The following GAL3ST3 variants were observed in gnomAD, a reference collection of about 807,000 sequenced individuals.
GAL3ST3 encodes the protein galactose-3-O-sulfotransferase 3.
A neutral mutation model predicts 20.8 loss-of-function variants in GAL3ST3; 21 were observed. The ratio of observed to expected loss-of-function variants is 1.01; its 90% CI spans 0.72 to 1.45. The LOEUF is 1.45. GAL3ST3 is among the 40% of genes most tolerant of loss of function. The pLI, the probability that GAL3ST3 is intolerant of heterozygous loss-of-function variation, is 0.00. For synonymous variants in GAL3ST3, 355 were observed against 307.2 expected, an observed-to-expected ratio of 1.16 and a Z score of -1.63; for missense variants, 739 against 662.7, an observed-to-expected ratio of 1.12 and a Z score of -1.26.
chr11:66,043,820 T>G, intron 2 of GAL3ST3, 143 bp from the exon 3 acceptor site: 1 of 696,638 alleles, frequency 1.4e-6, no homozygotes, highest in Non-Finnish European at 2.4e-6. Flanking sequence ...CGGTGCTTGG[T>G]AGCCTCTAAG....
At chr11:66,043,766 ACAGCGCGGCCCCGCCTGGGCTGCACT>A in intron 2 of GAL3ST3, 89 bp from the exon 3 acceptor site, 1 of 1,238,152 alleles carries the variant, frequency 8.1e-7, no homozygotes, top group Non-Finnish European at 1.1e-6. Flanking sequence ...GGGATGCCCC[ACAGCGCGGCCCCGCCTGGGCTGCACT>A]CATGGAAAGG....
intron 1 of GAL3ST3, among the ~76,000 whole-genome samples, chr11:66,048,270 C>G (rs774927935): frequency 2.0e-5 from 3 of 152,184 alleles, no homozygotes; most frequent in Non-Finnish European, 4.4e-5. Context: ...ACGCTGCTGC[C>G]CAGTTTTGCA....
intron 1 of GAL3ST3, among the ~76,000 whole-genome samples, chr11:66,046,049 T>C (rs1211419367): frequency 6.6e-6 from 1 of 152,224 alleles, no homozygotes; most frequent in Non-Finnish European, 1.5e-5. Flanking sequence ...CTATGTACTG[T>C]ATTATTACAT....
At chr11:66,043,706 G>T (rs1188992739) in intron 2 of GAL3ST3, 29 bp from the exon 3 acceptor site, 1 of 1,551,736 alleles carries the variant, frequency 6.4e-7, no homozygotes, top group South Asian at 1.2e-5. Context: ...GTGCGGAGAG[G>T]AGGGTGTGAG....
At position 66,041,702 on chromosome 11, in the gene GAL3ST3, A is replaced by C. The variant is rs919226968; in HGVS notation, c.*805T>G. Among the ~76,000 whole-genome samples, 2 of 152,268 alleles carry C rather than the reference A, an allele frequency of 1.3e-5. No homozygotes were observed. The highest frequency in any genetic ancestry group is 2.9e-5 in the Non-Finnish European group (2 of 68,050). Reference sequence around the variant, plus strand: ...TCACCTGTATCCCCAAGTTACAGAGATGATGCTCAGTAAATGTCGCAGAAT... The same window carrying C: ...TCACCTGTATCCCCAAGTTACAGAGCTGATGCTCAGTAAATGTCGCAGAAT... On this transcript the variant is annotated 3_prime_UTR_variant, in exon 3 of 3. Transcript: ENST00000312006.
intron 1 of GAL3ST3, among the ~76,000 whole-genome samples, chr11:66,047,297 A>G (rs1166849715): frequency 1.3e-5 from 2 of 152,208 alleles, no homozygotes; most frequent in Non-Finnish European, 2.9e-5. Context: ...AAGTGTCCCA[A>G]GATGGGAAGA....
At chr11:66,044,257 G>C (rs529589288) in intron 2 of GAL3ST3, among the ~76,000 whole-genome samples, 9 of 152,156 alleles carry the variant, frequency 5.9e-5, no homozygotes, top group Non-Finnish European at 1.2e-4. Context: ...AAAGACCTTG[G>C]TCCAGAAGTT....
At position 66,042,670 on chromosome 11, in the gene GAL3ST3, G is replaced by GTGGCC; in HGVS notation, c.1128_1132dup (p.Thr378ArgfsTer85). ...CATGGCCAGCTTGAGGCAGGCCTCG[G>GTGGCC]TGGCCGGGCCGGCGCCGCCGCCGGG... On this transcript the variant is annotated frameshift_variant, in exon 3 of 3. Transcript: ENST00000312006. LOFTEE classifies it high-confidence loss of function. The GTGGCC allele has an allele frequency of 6.5e-7, 1 of 1,534,594 alleles. No individual in the cohort carries two copies. Among genetic ancestry groups the GTGGCC allele is most frequent in the Middle Eastern group, 1.7e-4 (1 of 5,976 alleles).
chr11:66,047,846 C>T (rs1856797911), intron 1 of GAL3ST3, among the ~76,000 whole-genome samples: 1 of 152,188 alleles, frequency 6.6e-6, no homozygotes, highest in Non-Finnish European at 1.5e-5. Flanking sequence ...GACAGACCTT[C>T]AGGTATTTGG....
chr11:66,045,273 G>C lies in GAL3ST3; in HGVS notation c.125+18C>G. 6.6e-7 allele frequency: 1 copy of C among 1,517,346 alleles called. No homozygotes were observed. The highest frequency in any genetic ancestry group is 8.8e-7 in the Non-Finnish European group (1 of 1,131,172). The allele number at this position is 1,517,346 out of a possible 1,614,324, so 94.0% of individuals were successfully genotyped here. A position where few individuals can be genotyped will look rare whatever the true frequency, so the allele number is the denominator to read the frequency against. On this transcript the variant is annotated intron_variant, in intron 2 of 2. Coordinates refer to ENST00000312006, the MANE Select transcript of GAL3ST3 (RefSeq NM_033036.3). Reference sequence around the variant, plus strand: ...TGGGGAGGGGAGCTCCGGCCCCCCTGGGGCCCCGCCCCCTTACCAGCTGAG... The same window carrying C: ...TGGGGAGGGGAGCTCCGGCCCCCCTCGGGCCCCGCCCCCTTACCAGCTGAG...
Position 66,043,624 on chromosome 11 carries a change from C to CGCG in GAL3ST3, c.176_178dup (p.Pro59dup). 1 of 1,612,006 alleles carries CGCG rather than the reference C, an allele frequency of 6.2e-7. No homozygotes were observed. Among genetic ancestry groups the CGCG allele is most frequent in the East Asian group, 2.2e-5 (1 of 44,812 alleles). Reference sequence around the variant, plus strand: ...GAAGGCCACAGTCATGTGCTTGGGGCGCGGCGGCGAGTTCCGCAGAGGAGG... The same window carrying CGCG: ...GAAGGCCACAGTCATGTGCTTGGGGCGCGGCGGCGGCGAGTTCCGCAGAGGAGG... On this transcript the variant is annotated inframe_insertion, in exon 3 of 3. Coordinates refer to ENST00000312006, the MANE Select transcript of GAL3ST3 (RefSeq NM_033036.3).
In GAL3ST3 at chr11:66,041,149, T is replaced by G. The variant is rs546051493; in HGVS notation, c.*1358A>C. Among the ~76,000 whole-genome samples the G allele has an allele frequency of 7.9e-5, 12 of 152,308 alleles. No individual in the cohort carries two copies. In the East Asian group the frequency reaches 2.3e-3, roughly 29 times the overall value. On this transcript the variant is annotated 3_prime_UTR_variant, in exon 3 of 3. Transcript: ENST00000312006. ...CACACTGCCTTGGTTGAGATCCTAGTGGCCACTTTCTGGCTGTGTGACCCT... is the reference window on the plus strand; with the variant it reads ...CACACTGCCTTGGTTGAGATCCTAGGGGCCACTTTCTGGCTGTGTGACCCT...
At chr11:66,047,699 G>T (rs981375459) in intron 1 of GAL3ST3, among the ~76,000 whole-genome samples, 1 of 152,226 alleles carries the variant, frequency 6.6e-6, no homozygotes, top group Non-Finnish European at 1.5e-5. Context: ...GCAACTTACA[G>T]CTTGTTCAGG....
Position 66,045,327 on chromosome 11 carries a change from A to C in GAL3ST3, c.89T>G (p.Val30Gly). 6.2e-7 allele frequency: 1 copy of C among 1,600,416 alleles called. No individual in the cohort carries two copies. The highest frequency in any genetic ancestry group is 8.5e-7 in the Non-Finnish European group (1 of 1,172,926). ...ILLLVLGCST[V>G]SLLIHQGAQL... Reference sequence around the variant, plus strand: ...CGCCCCCTGGTGGATGAGAAGGCTTACGGTGCTGCACCCTAGCACCAGCAG... The same window carrying C: ...CGCCCCCTGGTGGATGAGAAGGCTTCCGGTGCTGCACCCTAGCACCAGCAG... The change falls in exon 2 of 3, where the codon GTA becomes GGA. Residue 30 changes from valine (V) to glycine (G), a missense_variant. By Grantham distance (109) the Val-to-Gly change is moderately radical. Transcript: ENST00000312006.
At position 66,045,544 on chromosome 11, in the gene GAL3ST3, G is replaced by A; in HGVS notation, c.-112-17C>T. On this transcript the variant is annotated splice_polypyrimidine_tract_variant and intron_variant, in intron 1 of 2. Coordinates refer to ENST00000312006, the MANE Select transcript of GAL3ST3 (RefSeq NM_033036.3). The stretch of plus-strand genomic sequence containing the variant: ...CCGAGAAGCCTGGCAGAAGAAGGCA[G>A]ACGGGTTTGCAGTGGGCAGAGGAGA... The A allele has an allele frequency of 1.8e-6, 2 of 1,102,170 alleles. No homozygotes were observed. The highest frequency in any genetic ancestry group is 2.9e-5 in the East Asian group (1 of 34,056). 68.3% of individuals were successfully genotyped at this position (1,102,170 alleles called of 1,614,324 possible).
chr11:66,045,484 G>C lies in GAL3ST3; in HGVS notation c.-69C>G. ...GGACTCCCTTCACAGGCACTCATGGGGGATCCTGCGGCTCTGGTAGCAGGG... is the reference window on the plus strand; with the variant it reads ...GGACTCCCTTCACAGGCACTCATGGCGGATCCTGCGGCTCTGGTAGCAGGG... On this transcript the variant is annotated 5_prime_UTR_variant, in exon 2 of 3. Coordinates refer to ENST00000312006, the MANE Select transcript of GAL3ST3 (RefSeq NM_033036.3). 1 of 1,444,878 alleles carries C rather than the reference G, an allele frequency of 6.9e-7. No homozygotes were observed. The highest frequency in any genetic ancestry group is 9.2e-7 in the Non-Finnish European group (1 of 1,089,252). The allele number at this position is 1,444,878 out of a possible 1,614,324, so 89.5% of individuals were successfully genotyped here. A position where few individuals can be genotyped will look rare whatever the true frequency, so the allele number is the denominator to read the frequency against.
At position 66,042,564 on chromosome 11, in the gene GAL3ST3, C is replaced by A; in HGVS notation, c.1239G>T (p.Leu413=). 6.5e-7 allele frequency: 1 copy of A among 1,532,460 alleles called. No individual in the cohort carries two copies. Among genetic ancestry groups the A allele is most frequent in the Non-Finnish European group, 8.7e-7 (1 of 1,146,486 alleles). 94.9% of individuals were successfully genotyped at this position (1,532,460 alleles called of 1,614,324 possible). A position where few individuals can be genotyped will look rare whatever the true frequency, so the allele number is the denominator to read the frequency against. ...GGATGGGCCGAGGCGGGGGATTGTC[C>A]AGGACGGGCTCGGGCCGAGCCCGCG... ...GGARARPEPV[L]DNPPPRPIRV... The change falls in exon 3 of 3, where the codon CTG becomes CTT. Residue 413 remains leucine, a synonymous_variant. Transcript: ENST00000312006.
Position 66,043,573 on chromosome 11 carries a change from G to C in GAL3ST3, c.230C>G (p.Thr77Arg). The C allele has an allele frequency of 6.2e-7, 1 of 1,612,468 alleles. No homozygotes were observed. The highest frequency in any genetic ancestry group is 8.5e-7 in the Non-Finnish European group (1 of 1,179,904). Reference protein sequence around the residue: ...AFLKTHKTAGTTVQNILFRFA... With the variant: ...AFLKTHKTAGRTVQNILFRFA... ...GCGAAACAGGATGTTCTGCACCGTC[G>C]TGCCTGCCGTCTTGTGAGTCTTCAG... Residue 77 changes from threonine to arginine, a missense_variant, in exon 3 of 3, where the codon ACG (threonine) becomes AGG (arginine). Coordinates refer to ENST00000312006, the MANE Select transcript of GAL3ST3 (RefSeq NM_033036.3).
rs1384978863 is a variant in GAL3ST3 at position 66,043,150 on chromosome 11, C to G, written c.653G>C (p.Arg218Pro). 5.0e-6 allele frequency: 8 copies of G among 1,611,586 alleles called. No individual in the cohort carries two copies. The highest frequency in any genetic ancestry group is 6.8e-6 in the Non-Finnish European group (8 of 1,179,270). Reference protein sequence around the residue: ...DLGGDNERSPRDDAAYLAGLI... With the variant: ...DLGGDNERSPPDDAAYLAGLI... The stretch of plus-strand genomic sequence containing the variant: ...GCCCGCCAGGTAGGCGGCGTCGTCG[C>G]GCGGGCTGCGCTCATTGTCGCCGCC... Residue 218 changes from arginine (R) to proline (P), a missense_variant, in exon 3 of 3, where the codon CGC (arginine) becomes CCC (proline). By Grantham distance (103) the Arg-to-Pro change is moderately radical (BLOSUM62 -2). Coordinates refer to ENST00000312006, the MANE Select transcript of GAL3ST3 (RefSeq NM_033036.3).
Sources: gnomAD v4.1 joint callset for allele counts (sites outside exome capture counted in the v4.1 genomes callset) on GRCh38, gnomAD v4.1.1 for gene constraint, MANE v1.5 for transcripts, NCBI Gene and HGNC (gene_info 2026-07-23, HGNC 2026-07-21) for gene names.